Variants in TNFRSF10A observed in about 807,000 individuals in gnomAD.
TNFRSF10A encodes the protein TNF receptor superfamily member 10a.
TNFRSF10A carries 44 observed loss-of-function variants against 42.8 expected under a neutral mutation model. The observed-to-expected ratio is 1.03, with a 90% CI of 0.81 to 1.32. TNFRSF10A has a LOEUF of 1.32. Ranked by LOEUF, TNFRSF10A falls within the 40% of genes most tolerant of loss-of-function variation. The probability of loss-of-function intolerance (pLI) is 0.00; values close to 1 mark genes in which losing one functional copy is unlikely to be tolerated. For missense variants in TNFRSF10A, 680 were observed against 602.0 expected (o/e 1.13, Z -1.36); for synonymous variants, 259 against 234.2 (o/e 1.11, Z -0.97).
chr8:23,204,898 G>A (rs149438799), intron 2 of TNFRSF10A, among the ~76,000 whole-genome samples: 2 of 152,136 alleles, frequency 1.3e-5, no homozygotes, highest in East Asian at 1.9e-4. Context: ...TACAGCTAAC[G>A]TAGCTGAAGT....
At position 23,202,908 on chromosome 8, in the gene TNFRSF10A, G is replaced by T. The variant is rs1398193053; in HGVS notation, c.404-147C>A. On this transcript the variant is annotated intron_variant, in intron 2 of 9. Coordinates refer to ENST00000221132, the MANE Select transcript of TNFRSF10A (RefSeq NM_003844.4). ...TTGGCTTGGTCTTGTCGTCAATTCT[G>T]CATCTATACACACCTCTGACTGGCG... is the stretch of plus-strand genomic sequence containing the variant. The T allele has an allele frequency of 8.3e-6, 5 of 599,242 alleles. No individual in the cohort carries two copies. The East Asian group carries it at 1.5e-4, about 18-fold the overall frequency. The allele number at this position is 599,242 out of a possible 1,614,324, so 37.1% of individuals were successfully genotyped here.
At chr8:23,196,473 G>A (rs1284585335) in intron 9 of TNFRSF10A, among the ~76,000 whole-genome samples, 1 of 152,180 alleles carries the variant, frequency 6.6e-6, no homozygotes, top group Non-Finnish European at 1.5e-5. Flanking sequence ...TGGGATTACA[G>A]GCATAAGCCA....
rs483352726 is a variant in TNFRSF10A at position 23,212,164 on chromosome 8, C to T, written c.355G>A (p.Gly119Ser). 6.2e-7 allele frequency: 1 copy of T among 1,613,800 alleles called. No individual in the cohort carries two copies. The highest frequency in any genetic ancestry group is 8.5e-7 in the Non-Finnish European group (1 of 1,179,826). Residue 119 changes from glycine (G) to serine (S), a missense_variant, in exon 2 of 10, where the codon GGC (glycine) becomes AGC (serine). Transcript: ENST00000221132. Reference sequence around the variant, plus strand: ...GGGCTATGTTCCCATTGCTGTGTGCCAATTGATTGATCATGAAGTTTGATG... The same window carrying T: ...GGGCTATGTTCCCATTGCTGTGTGCTAATTGATTGATCATGAAGTTTGATG... ...ATIKLHDQSI[G>S]TQQWEHSPLG... is the part of the protein sequence containing the mutation.
rs1009248002 is a variant in TNFRSF10A at position 23,206,485 on chromosome 8, T to A, written c.404-3724A>T. On this transcript the variant is annotated intron_variant, in intron 2 of 9. Coordinates refer to ENST00000221132, the MANE Select transcript of TNFRSF10A (RefSeq NM_003844.4). ...ATGTTCACATGTTTAGGAACTCAAATACTTATCATTGTGTTACAATTGTCT... is the reference window on the plus strand; with the variant it reads ...ATGTTCACATGTTTAGGAACTCAAAAACTTATCATTGTGTTACAATTGTCT... Among the ~76,000 whole-genome samples the A allele has an allele frequency of 9.2e-5, 14 of 152,366 alleles. No individual in the cohort carries two copies. In the East Asian group the frequency reaches 2.5e-3, roughly 27 times the overall value.
chr8:23,201,998 C>T (rs139347629), intron 3 of TNFRSF10A, 79 bp from the exon 4 acceptor site: 2 of 1,292,558 alleles, frequency 1.5e-6, no homozygotes, highest in South Asian at 1.2e-5. Context: ...CCAACTCCCT[C>T]CCCCTCAGCT....
chr8:23,213,436 CTTTTTTTTTTTTTTTT>C (rs58691757), intron 1 of TNFRSF10A, among the ~76,000 whole-genome samples: 2 of 68,668 alleles, frequency 2.9e-5, no homozygotes, highest in African/African-American at 6.1e-5. Context: ...GTTTGCTCCT[CTTTTTTTTTTTTTTTT>C]TTTTTTTTTT....
At chr8:23,222,740 G>T (rs1012306534) in intron 1 of TNFRSF10A, among the ~76,000 whole-genome samples, 7 of 152,090 alleles carry the variant, frequency 4.6e-5, no homozygotes, top group Non-Finnish European at 1.0e-4. Context: ...GTTTGGGGTG[G>T]ATCCCTCATG....
chr8:23,202,926 G>A (rs1338317503), intron 2 of TNFRSF10A, among the ~76,000 whole-genome samples, 165 bp from the exon 3 acceptor site: 1 of 152,106 alleles, frequency 6.6e-6, no homozygotes, highest in African/African-American at 2.4e-5. Flanking sequence ...ACACACCTCT[G>A]ACTGGCGCTG....
In TNFRSF10A at chr8:23,200,699, G is replaced by A. The variant is rs779251303; in HGVS notation, c.691C>T (p.His231Tyr). ...CTPWSDIECV[H>Y]KESGNGHNIW... Reference sequence around the variant, plus strand: ...GTGGGCTTTGTACCTGATTCTTTGTGGACACACTCGATGTCACTCCAGGGC... The same window carrying A: ...GTGGGCTTTGTACCTGATTCTTTGTAGACACACTCGATGTCACTCCAGGGC... The change falls in exon 5 of 10, where the codon CAC becomes TAC. Residue 231 changes from histidine to tyrosine, a missense_variant. Transcript: ENST00000221132. The A allele has an allele frequency of 2.3e-5, 37 of 1,613,730 alleles. No individual in the cohort carries two copies. In the South Asian group the frequency reaches 4.1e-4, roughly 18 times the overall value.
chr8:23,200,634 G>T (rs761237554), intron 5 of TNFRSF10A, 34 bp from the exon 6 acceptor site: 3 of 1,613,922 alleles, frequency 1.9e-6, no homozygotes, highest in South Asian at 2.2e-5. Flanking sequence ...GGAGTCTCGG[G>T]CTGCTGGTCC....
chr8:23,200,439 G>C (rs993363039), intron 6 of TNFRSF10A, 66 bp downstream of exon 6: 1 of 1,574,166 alleles, frequency 6.4e-7, no homozygotes, highest in Non-Finnish European at 8.7e-7. Flanking sequence ...GAGCGTTTCT[G>C]TCTGTGGGAA....
Position 23,224,871 on chromosome 8 carries a change from GGTCCGTGCT to G in TNFRSF10A, c.182_190del (p.Gln61_Gly63del), listed in dbSNP as rs745877751. Reference sequence around the variant, plus strand: ...GCGCCCTGCCCGGGCCCGGGCACTGGGTCCGTGCTGTCCCATGGAGGTAGGGAGCGCTCC... The same window carrying G: ...GCGCCCTGCCCGGGCCCGGGCACTGGGTCCCATGGAGGTAGGGAGCGCTCC... On this transcript the variant is annotated inframe_deletion, in exon 1 of 10. Coordinates refer to ENST00000221132, the MANE Select transcript of TNFRSF10A (RefSeq NM_003844.4). 1 of 1,578,268 alleles carries G rather than the reference GGTCCGTGCT, an allele frequency of 6.3e-7. No homozygotes were observed. The highest frequency in any genetic ancestry group is 1.3e-5 in the African/African-American group (1 of 74,094).
Position 23,199,428 on chromosome 8 carries a change from A to G in TNFRSF10A, c.852T>C (p.Gly284=), listed in dbSNP as rs1022001531. Residue 284 remains glycine (G), a synonymous_variant, in exon 8 of 10, where the codon GGT becomes GGC. Transcript: ENST00000221132. ...CCTCAGCCCCAGGCCCTCGTAGGAGACCCAAGCGCCAGAAACACACCTTAG... is the reference window on the plus strand; with the variant it reads ...CCTCAGCCCCAGGCCCTCGTAGGAGGCCCAAGCGCCAGAAACACACCTTAG... The part of the protein sequence containing the change: ...CMDRVCFWRL[G]LLRGPGAEDN... 2 of 1,612,188 alleles carry G rather than the reference A, an allele frequency of 1.2e-6. No individual in the cohort carries two copies. Among genetic ancestry groups the G allele is most frequent in the African/African-American group, 1.3e-5 (1 of 74,840 alleles).
chr8:23,209,898 A>T (rs1801070244), intron 2 of TNFRSF10A, among the ~76,000 whole-genome samples: 1 of 152,140 alleles, frequency 6.6e-6, no homozygotes, highest in South Asian at 2.1e-4. Context: ...GAGATGTGGG[A>T]GGGGCCAGGG....
chr8:23,200,639 T>C, intron 5 of TNFRSF10A, 39 bp from the exon 6 acceptor site: 3 of 1,613,896 alleles, frequency 1.9e-6, no homozygotes, highest in Non-Finnish European at 2.5e-6. Flanking sequence ...CTCGGGCTGC[T>C]GGTCCCTGTC....
At chr8:23,218,129 C>G (rs1801210163) in intron 1 of TNFRSF10A, among the ~76,000 whole-genome samples, 1 of 151,874 alleles carries the variant, frequency 6.6e-6, no homozygotes, top group African/African-American at 2.4e-5. Flanking sequence ...GATTTGGGCT[C>G]ATGGGGGTGT....
intron 8 of TNFRSF10A, among the ~76,000 whole-genome samples, chr8:23,197,519 C>T (rs1800843373): frequency 6.6e-6 from 1 of 152,144 alleles, no homozygotes; most frequent in South Asian, 2.1e-4. Context: ...GATTATCTGT[C>T]ACCGTCTCCC....
chr8:23,194,348 C>A (rs1800795047), intron 9 of TNFRSF10A, among the ~76,000 whole-genome samples: 1 of 152,070 alleles, frequency 6.6e-6, no homozygotes, highest in Non-Finnish European at 1.5e-5. Context: ...TTAAGTAAAT[C>A]CTTACTAAAC....
At chr8:23,195,101 G>C (rs1006707753) in intron 9 of TNFRSF10A, among the ~76,000 whole-genome samples, 1 of 152,256 alleles carries the variant, frequency 6.6e-6, no homozygotes, top group African/African-American at 2.4e-5. Context: ...GGAGGTTGCA[G>C]TGAGATGAGA....
Sources: gnomAD v4.1 joint callset for allele counts (sites outside exome capture counted in the v4.1 genomes callset) on GRCh38, gnomAD v4.1.1 for gene constraint, MANE v1.5 for transcripts, NCBI Gene and HGNC (gene_info 2026-07-23, HGNC 2026-07-21) for gene names.